MET: variants seen among roughly 807,000 people sequenced by gnomAD.
MET encodes hepatocyte growth factor receptor.
Under a neutral mutation model 133.1 loss-of-function variants are expected in MET, and 48 were observed. That is an observed-to-expected ratio of 0.36 (90% CI 0.29 to 0.46). The LOEUF (loss-of-function observed/expected upper bound fraction) is 0.46. Among genes scored for constraint, MET ranks in the 20% least tolerant of loss-of-function variants. MET has a pLI of 1.00. For missense variants in MET, 1,442 were observed against 1,695.9 expected, an observed-to-expected ratio of 0.85 and a Z score of 2.63; for synonymous variants, 628 against 616.5, an observed-to-expected ratio of 1.02 and a Z score of -0.28.
At chr7:116,752,413 G>A (rs932192796) in intron 5 of MET, among the ~76,000 whole-genome samples, 1 of 152,210 alleles carries the variant, frequency 6.6e-6, no homozygotes, top group Non-Finnish European at 1.5e-5. Flanking sequence ...TATCCAGACA[G>A]GTAGGAGACC....
chr7:116,796,411 G>T lies in MET; in HGVS notation c.*287G>T. 2.1e-6 allele frequency: 1 copy of T among 486,314 alleles called. No homozygotes were observed. The highest frequency in any genetic ancestry group is 3.7e-6 in the Non-Finnish European group (1 of 267,162). The allele number at this position is 486,314 out of a possible 1,614,324, so 30.1% of individuals were successfully genotyped here. ...CTGGGTTGAATTTTTTAAAAATCAG[G>T]TACCACTTGATTTCATATGGGAAAT... On this transcript the variant is annotated 3_prime_UTR_variant, in exon 21 of 21. Coordinates refer to ENST00000397752, the MANE Select transcript of MET (RefSeq NM_000245.4).
At chr7:116,789,429 C>G (rs974923648) in intron 19 of MET, among the ~76,000 whole-genome samples, 2 of 152,122 alleles carry the variant, frequency 1.3e-5, no homozygotes, top group African/African-American at 4.8e-5. Flanking sequence ...TTACCCACTC[C>G]TCATTCTTTT....
chr7:116,757,927 A>C (rs2116926994), intron 8 of MET, 153 bp downstream of exon 8: 1 of 808,602 alleles, frequency 1.2e-6, no homozygotes, highest in Middle Eastern at 3.7e-4. Flanking sequence ...CTCCTTCCAA[A>C]ATTCATCTAC....
chr7:116,682,756 C>G (rs1238515894), intron 1 of MET, among the ~76,000 whole-genome samples: 1 of 152,194 alleles, frequency 6.6e-6, no homozygotes, highest in Non-Finnish European at 1.5e-5. Context: ...ACCAGCAAGT[C>G]TGTTTGCATG....
chr7:116,715,597 G>A (rs1201735189), intron 2 of MET, among the ~76,000 whole-genome samples: 2 of 152,214 alleles, frequency 1.3e-5, no homozygotes, highest in Non-Finnish European at 2.9e-5. Flanking sequence ...GACATTATTC[G>A]GCCTACTGTA....
At chr7:116,746,681 C>CA (rs1394383257) in intron 5 of MET, among the ~76,000 whole-genome samples, 4 of 147,680 alleles carry the variant, frequency 2.7e-5, no homozygotes, top group East Asian at 2.0e-4. Flanking sequence ...ATCGCAAGAA[C>CA]AAAAAACCAA....
intron 1 of MET, among the ~76,000 whole-genome samples, chr7:116,683,159 A>G (rs1316846123): frequency 6.6e-6 from 1 of 152,112 alleles, no homozygotes; most frequent in Non-Finnish European, 1.5e-5. Flanking sequence ...TTATTTCATC[A>G]CCCAGGTATT....
In MET at chr7:116,740,084, G is replaced by C. The variant is rs2116828503; in HGVS notation, c.1527G>C (p.Lys509Asn). The change falls in exon 4 of 21, where the codon AAG (lysine) becomes AAC (asparagine). Residue 509 changes from lysine to asparagine, a missense_variant and splice_region_variant. Around this residue, in one of 6 missense-constraint regions of MET, gnomAD observed 762 missense variants for 792.4 expected, o/e 0.96. Transcript: ENST00000397752. ...ACACACTGGTTATCACTGGGAAGAA[G>C]GTAAGCTGTTCCCACAGGGAATTTC... is the stretch of plus-strand genomic sequence containing the variant. ...NGYTLVITGK[K>N]ITKIPLNGLG... 6.2e-7 allele frequency: 1 copy of C among 1,614,030 alleles called. No individual in the cohort carries two copies. Among genetic ancestry groups the C allele is most frequent in the Non-Finnish European group, 8.5e-7 (1 of 1,179,924 alleles).
At chr7:116,761,374 C>T (rs1794392405) in intron 10 of MET, among the ~76,000 whole-genome samples, 2 of 152,074 alleles carry the variant, frequency 1.3e-5, no homozygotes, top group Admixed American at 6.5e-5. Context: ...ATTTTACTGT[C>T]GTTTGTGAAA....
rs913660804 is a variant in MET at position 116,784,757 on chromosome 7, C to T, written c.3798+1288C>T. On this transcript the variant is annotated intron_variant, in intron 19 of 20. Transcript: ENST00000397752. ...CCGCCCTAGTTCCTCCCAAATCTCACGTCCTTCTCACATTTCAAAACACAA... is the reference window on the plus strand; with the variant it reads ...CCGCCCTAGTTCCTCCCAAATCTCATGTCCTTCTCACATTTCAAAACACAA... 4.6e-5 allele frequency among the ~76,000 whole-genome samples: 7 copies of T among 152,224 alleles called. No homozygotes were observed. In the East Asian group the frequency reaches 9.7e-4, roughly 21 times the overall value.
intron 19 of MET, among the ~76,000 whole-genome samples, chr7:116,790,412 T>A (rs187481429): frequency 2.2e-4 from 33 of 152,360 alleles, no homozygotes; most frequent in Admixed American, 4.6e-4. Context: ...ATTCTCAAGC[T>A]TCATCCATGT....
chr7:116,768,079 C>T (rs190096557), intron 11 of MET, among the ~76,000 whole-genome samples: 86 of 150,200 alleles, frequency 5.7e-4, no homozygotes, highest in African/African-American at 2.0e-3. Flanking sequence ...TCACTACTTA[C>T]CATGTGTCCT....
In MET at chr7:116,672,429, A is replaced by C; in HGVS notation, c.-163A>C. ...GGCCCTCGCCGCCCGCGGCGCCCCG[A>C]GCGCTTTGTGAGCAGATGCGGAGCC... On this transcript the variant is annotated 5_prime_UTR_variant, in exon 1 of 21. Transcript: ENST00000397752. 2.5e-6 allele frequency: 1 copy of C among 394,394 alleles called. No individual in the cohort carries two copies. Among genetic ancestry groups the C allele is most frequent in the East Asian group, 3.6e-5 (1 of 27,752 alleles). The allele number at this position is 394,394 out of a possible 1,614,324, so 24.4% of individuals were successfully genotyped here.
At chr7:116,696,492 G>A (rs1456960633) in intron 1 of MET, among the ~76,000 whole-genome samples, 1 of 152,072 alleles carries the variant, frequency 6.6e-6, no homozygotes, top group Non-Finnish European at 1.5e-5. Flanking sequence ...AGAAACTACT[G>A]CCTTGAAGAT....
At chr7:116,791,441 A>C (rs1428999050) in intron 19 of MET, among the ~76,000 whole-genome samples, 1 of 152,080 alleles carries the variant, frequency 6.6e-6, no homozygotes, top group Non-Finnish European at 1.5e-5. Context: ...TTTATTTCCC[A>C]ATGGCTAGTG....
chr7:116,698,944 T>G, intron 1 of MET, 127 bp from the exon 2 acceptor site: 1 of 1,306,114 alleles, frequency 7.7e-7, no homozygotes, highest in East Asian at 2.5e-5. Context: ...CTAGAGTTTT[T>G]GTTTTCCTTC....
rs1317620369 is a variant in MET, at chr7:116,725,382, T to G, written c.1201-6286T>G. On this transcript the variant is annotated intron_variant, in intron 2 of 20. Coordinates refer to ENST00000397752, the MANE Select transcript of MET (RefSeq NM_000245.4). ...TGTTTAGGACATCAAGAAGTTGGGG[T>G]GGGGAAAATTCTTAATAGGTTTTCT... 2.0e-5 allele frequency among the ~76,000 whole-genome samples: 3 copies of G among 151,850 alleles called. No individual in the cohort carries two copies. The East Asian group carries it at 5.8e-4, about 29-fold the overall frequency.
At position 116,739,392 on chromosome 7, in the gene MET, G is replaced by C. The variant is rs546600765; in HGVS notation, c.1393-558G>C. ...AAGTAATAATATATTGTGGGACAGT[G>C]GTTTATAAAAAAATACAACACATCA... On this transcript the variant is annotated intron_variant, in intron 3 of 20. Transcript: ENST00000397752. Among the ~76,000 whole-genome samples the C allele has an allele frequency of 5.9e-4, 89 of 151,542 alleles. 2 individuals are homozygous for C. The highest frequency in any genetic ancestry group is 5.5e-3 in the Admixed American group (84 of 15,144).
At chr7:116,786,718 A>G (rs1225238848) in intron 19 of MET, among the ~76,000 whole-genome samples, 1 of 152,230 alleles carries the variant, frequency 6.6e-6, no homozygotes, top group African/African-American at 2.4e-5. Flanking sequence ...ATAGAGAAAC[A>G]TTTGATGTTT....
Sources: gnomAD v4.1 joint callset for allele counts (sites outside exome capture counted in the v4.1 genomes callset) on GRCh38, gnomAD v4.1.1 for gene constraint, gnomAD v4.1.1 regional missense constraint, MANE v1.5 for transcripts, NCBI Gene and HGNC (gene_info 2026-07-23, HGNC 2026-07-21) for gene names.